Variants in MMP16 observed in about 807,000 individuals in gnomAD.
MMP16 encodes matrix metalloproteinase-16.
In MMP16, 12 loss-of-function variants were observed where a neutral mutation model predicts 67.8. That is an observed-to-expected ratio of 0.18 (90% confidence interval 0.11 to 0.29). MMP16 has a LOEUF of 0.29. Among genes scored for constraint, MMP16 ranks in the 10% least tolerant of loss-of-function variants. The pLI, the probability that MMP16 is intolerant of heterozygous loss-of-function variation, is 1.00. For synonymous variants in MMP16, 249 were observed against 255.9 expected (o/e 0.97, Z 0.26); for missense variants, 475 against 765.7 (o/e 0.62, Z 4.48).
chr8:88,055,176 T>C (rs1297081857), intron 8 of MMP16, among the ~76,000 whole-genome samples: 1 of 152,138 alleles, frequency 6.6e-6, no homozygotes, highest in Non-Finnish European at 1.5e-5. Flanking sequence ...TAGGGCTATA[T>C]CTGCCTAAAA....
chr8:88,242,129 A>G (rs1185670751), intron 1 of MMP16, among the ~76,000 whole-genome samples: 1 of 152,208 alleles, frequency 6.6e-6, no homozygotes, highest in Non-Finnish European at 1.5e-5. Context: ...AAAAAGAAAG[A>G]TATACAACCA....
intron 1 of MMP16, among the ~76,000 whole-genome samples, chr8:88,216,367 A>G (rs1442600667): frequency 1.3e-5 from 2 of 152,206 alleles, no homozygotes; most frequent in Admixed American, 1.3e-4. Context: ...ATGCTTCAAT[A>G]CCCTGAATAT....
In MMP16 at chr8:88,144,589, C is replaced by T. The variant is rs552962330; in HGVS notation, c.709+23080G>A. Among the ~76,000 whole-genome samples the T allele has an allele frequency of 4.6e-5, 7 of 151,366 alleles. No homozygotes were observed. In the South Asian group the frequency reaches 1.0e-3, roughly 23 times the overall value. On this transcript the variant is annotated intron_variant, in intron 4 of 9. Transcript: ENST00000286614. ...ATTGGATAATTTATATAGAGAGAGA[C>T]TAATATAATATGGGAAAATAATAAA...
intron 1 of MMP16, among the ~76,000 whole-genome samples, chr8:88,269,183 A>C (rs902462545): frequency 2.0e-5 from 3 of 152,156 alleles, no homozygotes; most frequent in Non-Finnish European, 2.9e-5. Flanking sequence ...TACCATCTTA[A>C]GAATTTTTTA....
intron 4 of MMP16, among the ~76,000 whole-genome samples, chr8:88,156,806 A>G (rs1302639412): frequency 6.6e-6 from 1 of 152,142 alleles, no homozygotes; most frequent in African/African-American, 2.4e-5. Flanking sequence ...TTTAAAGACA[A>G]AAACAATTTA....
chr8:88,235,479 G>A (rs1363817592), intron 1 of MMP16, among the ~76,000 whole-genome samples: 1 of 151,696 alleles, frequency 6.6e-6, no homozygotes, highest in East Asian at 1.9e-4. Flanking sequence ...GTTCTAACCT[G>A]CTAGTTAAAC....
chr8:88,239,870 T>G (rs557550216), intron 1 of MMP16, among the ~76,000 whole-genome samples: 2 of 152,368 alleles, frequency 1.3e-5, no homozygotes, highest in South Asian at 2.1e-4. Context: ...AGAACTAATA[T>G]GCTCTACTTT....
chr8:88,305,278 C>T (rs181601195), intron 1 of MMP16, among the ~76,000 whole-genome samples: 2 of 152,274 alleles, frequency 1.3e-5, no homozygotes, highest in East Asian at 1.9e-4. Flanking sequence ...AATACAGGAG[C>T]ACTCAGATTC....
chr8:88,087,496 A>G (rs1444138716), intron 6 of MMP16, among the ~76,000 whole-genome samples: 1 of 151,920 alleles, frequency 6.6e-6, no homozygotes, highest in African/African-American at 2.4e-5. Context: ...TGACATAGGA[A>G]GAGGGAAAGG....
chr8:88,226,642 A>G (rs1158855167), intron 1 of MMP16, among the ~76,000 whole-genome samples: 2 of 152,008 alleles, frequency 1.3e-5, no homozygotes, highest in African/African-American at 2.4e-5. Context: ...TCTACTAGGA[A>G]TGTATTTTTC....
chr8:88,074,512 A>G (rs1718353100), intron 7 of MMP16, 93 bp downstream of exon 7: 3 of 1,117,144 alleles, frequency 2.7e-6, no homozygotes, highest in South Asian at 3.7e-5. Flanking sequence ...TCCATAGGCT[A>G]TGTAATCTCA....
At position 88,106,045 on chromosome 8, in the gene MMP16, C is replaced by G. The variant is rs985654252; in HGVS notation, c.1083+10462G>C. ...ATATATACGTGTATATATATTTACA[C>G]GTTATGTATATATATATATATATAT... On this transcript the variant is annotated intron_variant, in intron 6 of 9. Transcript: ENST00000286614. 2.7e-3 allele frequency among the ~76,000 whole-genome samples: 200 copies of G among 73,316 alleles called. 2 individuals are homozygous for G. The highest frequency in any genetic ancestry group is 2.2e-4 in the Non-Finnish European group (8 of 36,204). 48.1% of individuals were successfully genotyped at this position (73,316 alleles called of 152,430 possible). A position where few individuals can be genotyped will look rare whatever the true frequency, so the allele number is the denominator to read the frequency against.
chr8:88,169,887 G>T (rs1808772244), intron 3 of MMP16, among the ~76,000 whole-genome samples: 1 of 152,102 alleles, frequency 6.6e-6, no homozygotes, highest in African/African-American at 2.4e-5. Flanking sequence ...TGAAAAACTG[G>T]AGCGTCATGA....
At chr8:88,081,034 G>A (rs569085516) in intron 6 of MMP16, among the ~76,000 whole-genome samples, 8 of 152,166 alleles carry the variant, frequency 5.3e-5, no homozygotes, top group Middle Eastern at 6.8e-3. Context: ...CCACTGTGGG[G>A]TAAACCTTGG....
intron 1 of MMP16, among the ~76,000 whole-genome samples, chr8:88,277,404 T>C (rs920279356): frequency 3.3e-5 from 5 of 152,186 alleles, no homozygotes; most frequent in African/African-American, 1.2e-4. Flanking sequence ...CCAGGTGTGC[T>C]ATCAAGATGA....
rs547758997 is a variant in MMP16, at chr8:88,203,047, G to T, written c.133-5741C>A. Among the ~76,000 whole-genome samples, 40 of 150,442 alleles carry T rather than the reference G, an allele frequency of 2.7e-4. 1 individual carries two copies. The highest frequency in any genetic ancestry group is 9.7e-4 in the African/African-American group (40 of 41,046). On this transcript the variant is annotated intron_variant, in intron 1 of 9. Coordinates refer to ENST00000286614, the MANE Select transcript of MMP16 (RefSeq NM_005941.5). ...AAAGAAATTAATCTCAATTAAACTT[G>T]CAAAGTGGGGGGTGCAAAATGTCCC...
intron 1 of MMP16, among the ~76,000 whole-genome samples, chr8:88,227,236 T>C (rs910014355): frequency 1.8e-4 from 28 of 151,994 alleles, no homozygotes; most frequent in Non-Finnish European, 1.3e-4. Flanking sequence ...TCTTACAATA[T>C]ACATATAGCA....
At chr8:88,216,247 T>C (rs765429510) in intron 1 of MMP16, among the ~76,000 whole-genome samples, 37 of 152,194 alleles carry the variant, frequency 2.4e-4, no homozygotes, top group Non-Finnish European at 5.0e-4. Flanking sequence ...CTAAAAGTTC[T>C]TCATGACAGT....
intron 1 of MMP16, among the ~76,000 whole-genome samples, chr8:88,213,750 C>A (rs541713526): frequency 6.6e-6 from 1 of 152,170 alleles, no homozygotes; most frequent in Non-Finnish European, 1.5e-5. Flanking sequence ...TAATTACATA[C>A]CAAAGAAGCA....
Sources: gnomAD v4.1 joint callset for allele counts (sites outside exome capture counted in the v4.1 genomes callset) on GRCh38, gnomAD v4.1.1 for gene constraint, MANE v1.5 for transcripts, NCBI Gene and HGNC (gene_info 2026-07-23, HGNC 2026-07-21) for gene names.